The following PPFIA2 variants were observed in gnomAD, a reference collection of about 807,000 sequenced individuals.
PPFIA2 encodes the protein PPFI scaffold protein A2.
Under a neutral mutation model 175.5 loss-of-function variants are expected in PPFIA2, and 46 were observed. The ratio of observed to expected loss-of-function variants is 0.26; its 90% CI spans 0.21 to 0.34. The LOEUF is 0.34. PPFIA2 is among the 10% of genes least tolerant of loss of function. PPFIA2 has a pLI of 1.00. For missense variants in PPFIA2, 1,179 were observed against 1,506.1 expected, an observed-to-expected ratio of 0.78 and a Z score of 3.60; for synonymous variants, 568 against 511.4, an observed-to-expected ratio of 1.11 and a Z score of -1.49.
intron 4 of PPFIA2, chr12:81,472,610 G>A (rs1461115167): frequency 6.6e-6 from 1 of 152,120 alleles, no homozygotes; most frequent in Non-Finnish European, 1.5e-5. Context: ...ATTCATCAAG[G>A]TAATGTAACC....
intron 11 of PPFIA2, 49 bp downstream of exon 11, chr12:81,374,585 G>T: frequency 6.6e-7 from 1 of 1,519,598 alleles, no homozygotes; most frequent in Non-Finnish European, 8.8e-7. Flanking sequence ...TTGATTACAA[G>T]TCCTTTCTAC....
chr12:81,523,259 G>T (rs550383675), intron 4 of PPFIA2, among the ~76,000 whole-genome samples: 1 of 152,226 alleles, frequency 6.6e-6, no homozygotes, highest in Admixed American at 6.5e-5. Flanking sequence ...ACAGGAGTTT[G>T]TTAGCATTTT....
At chr12:81,448,300 ACT>A (rs1420608298) in intron 5 of PPFIA2, among the ~76,000 whole-genome samples, 1 of 151,918 alleles carries the variant, frequency 6.6e-6, no homozygotes, top group Non-Finnish European at 1.5e-5. Flanking sequence ...ATTTGTAAGC[ACT>A]CTCTTTCATG....
At chr12:81,510,377 C>A (rs2061639997) in intron 4 of PPFIA2, among the ~76,000 whole-genome samples, 2 of 152,070 alleles carry the variant, frequency 1.3e-5, no homozygotes, top group South Asian at 4.1e-4. Context: ...GAAACTCAAA[C>A]TCGTTTTACA....
intron 11 of PPFIA2, among the ~76,000 whole-genome samples, chr12:81,373,393 A>T (rs1196760917): frequency 6.6e-6 from 1 of 151,958 alleles, no homozygotes; most frequent in Non-Finnish European, 1.5e-5. Flanking sequence ...TGCAAGAAAA[A>T]ATGAAATAAT....
At chr12:81,427,518 A>G (rs928083222) in intron 7 of PPFIA2, among the ~76,000 whole-genome samples, 6 of 152,096 alleles carry the variant, frequency 3.9e-5, no homozygotes, top group African/African-American at 9.7e-5. Flanking sequence ...GTGAAATGCA[A>G]TATCATTTAT....
chr12:81,532,673 T>C (rs1350522917), intron 4 of PPFIA2, among the ~76,000 whole-genome samples: 2 of 151,804 alleles, frequency 1.3e-5, no homozygotes, highest in Non-Finnish European at 2.9e-5. Context: ...CTGTTTCTGA[T>C]TACAATCTAT....
chr12:81,757,597 A>G (rs2084888578), intron 2 of PPFIA2, among the ~76,000 whole-genome samples: 1 of 152,188 alleles, frequency 6.6e-6, no homozygotes, highest in African/African-American at 2.4e-5. Flanking sequence ...TATCAGGAAA[A>G]TAACTCCTTT....
At chr12:81,527,880 G>A (rs2063925234) in intron 4 of PPFIA2, among the ~76,000 whole-genome samples, 1 of 152,034 alleles carries the variant, frequency 6.6e-6, no homozygotes, top group Admixed American at 6.6e-5. Flanking sequence ...AATCTGCTGG[G>A]CTTTCACCAG....
intron 7 of PPFIA2, among the ~76,000 whole-genome samples, chr12:81,413,195 G>C (rs139363101): frequency 6.6e-6 from 1 of 151,640 alleles, no homozygotes; most frequent in Non-Finnish European, 1.5e-5. Context: ...CAGTTCTTAG[G>C]ACACTGACTG....
chr12:81,283,410 C>T (rs1467943437), intron 25 of PPFIA2, among the ~76,000 whole-genome samples: 2 of 151,592 alleles, frequency 1.3e-5, no homozygotes, highest in African/African-American at 4.8e-5. Flanking sequence ...AAATCTTATA[C>T]AAAGTAAATT....
intron 13 of PPFIA2, chr12:81,368,220 C>T (rs2141432441): frequency 1.7e-6 from 2 of 1,168,876 alleles, no homozygotes; most frequent in Non-Finnish European, 2.3e-6. Flanking sequence ...TACAGAAGCA[C>T]TATTTCTGAA....
chr12:81,525,895 C>G (rs755088148), intron 4 of PPFIA2, among the ~76,000 whole-genome samples: 1 of 151,874 alleles, frequency 6.6e-6, no homozygotes. Context: ...TTATTTTTGG[C>G]TAGAATAATA....
chr12:81,549,739 A>G (rs980716055), intron 4 of PPFIA2, among the ~76,000 whole-genome samples: 1 of 151,962 alleles, frequency 6.6e-6, no homozygotes, highest in African/African-American at 2.4e-5. Flanking sequence ...CAATCAGAAT[A>G]TAAGGCATTC....
chr12:81,755,088 G>C (rs1018064700), intron 2 of PPFIA2, among the ~76,000 whole-genome samples: 1 of 152,120 alleles, frequency 6.6e-6, no homozygotes, highest in Non-Finnish European at 1.5e-5. Context: ...CCGCAAAACA[G>C]ATGTCATAAA....
intron 22 of PPFIA2, among the ~76,000 whole-genome samples, chr12:81,315,664 CA>C: frequency 6.6e-6 from 1 of 151,594 alleles, no homozygotes; most frequent in East Asian, 1.9e-4. Flanking sequence ...GGGTAATGAA[CA>C]ACAATGGAAG....
intron 29 of PPFIA2, among the ~76,000 whole-genome samples, 181 bp downstream of exon 29, chr12:81,267,731 T>A: frequency 9.6e-6 from 1 of 103,928 alleles, no homozygotes; most frequent in South Asian, 3.0e-4. Context: ...TTGTATGATT[T>A]TTTTTTTTTT....
chr12:81,549,371 T>C (rs1302121541), intron 4 of PPFIA2, among the ~76,000 whole-genome samples: 1 of 152,072 alleles, frequency 6.6e-6, no homozygotes, highest in Non-Finnish European at 1.5e-5. Context: ...ACTTTTAAGA[T>C]ACATAATGAT....
chr12:81,579,090 G>T (rs1433421131), intron 4 of PPFIA2, among the ~76,000 whole-genome samples: 1 of 151,684 alleles, frequency 6.6e-6, no homozygotes, highest in East Asian at 1.9e-4. Flanking sequence ...TATTTAGCTG[G>T]TCATAAGCAA....
Sources: allele counts gnomAD v4.1 joint callset (sites outside exome capture counted in the v4.1 genomes callset), GRCh38; gene constraint gnomAD v4.1.1; transcripts MANE v1.5; gene names NCBI Gene and HGNC (gene_info 2026-07-23, HGNC 2026-07-21).